The following SORCS2 variants were observed in gnomAD, a reference collection of about 807,000 sequenced individuals.
SORCS2 encodes VPS10 domain-containing receptor SorCS2.
Under a neutral mutation model 141.6 loss-of-function variants are expected in SORCS2, and 100 were observed. The observed-to-expected ratio is 0.71, with a 90% CI of 0.60 to 0.83. SORCS2 has a LOEUF of 0.83. Among genes scored for constraint, SORCS2 ranks in the 40% least tolerant of loss-of-function variants. The pLI, the probability that SORCS2 is intolerant of heterozygous loss-of-function variation, is 0.00. For synonymous variants in SORCS2, 789 were observed against 676.9 expected (o/e 1.17, Z -2.57); for missense variants, 1,646 against 1,560.2 (o/e 1.05, Z -0.93).
intron 2 of SORCS2, chr4:7,432,068 G>C (rs886499639): frequency 6.6e-6 from 1 of 152,430 alleles, no homozygotes; most frequent in Non-Finnish European, 1.5e-5. Context: ...AGGGGGCACA[G>C]TGTCTTAGGG....
chr4:7,663,654 T>C lies in SORCS2; in HGVS notation c.953-699T>C, dbSNP rs1316596104. ...CTTAGGGGTGGGCTTTTCTGGTTTCTAAACGTCTTCCCTTAACCATTCTCC... is the reference window on the plus strand; with the variant it reads ...CTTAGGGGTGGGCTTTTCTGGTTTCCAAACGTCTTCCCTTAACCATTCTCC... On this transcript the variant is annotated intron_variant, in intron 6 of 26. Transcript: ENST00000507866. This position sits in a 1 kb window ranked among gnomAD's most constrained non-coding sequence, Gnocchi z 4.8. Among the ~76,000 whole-genome samples, 3 of 152,220 alleles carry C rather than the reference T, an allele frequency of 2.0e-5. No individual in the cohort carries two copies. Among genetic ancestry groups the C allele is most frequent in the African/African-American group, 7.2e-5 (3 of 41,458 alleles).
intron 2 of SORCS2, among the ~76,000 whole-genome samples, chr4:7,519,867 T>A (rs1009551401): frequency 6.6e-6 from 1 of 152,226 alleles, no homozygotes; most frequent in Non-Finnish European, 1.5e-5. Flanking sequence ...GTGGTCTCTG[T>A]GCCTGCTCTC....
At chr4:7,487,409 G>T (rs559126959) in intron 2 of SORCS2, among the ~76,000 whole-genome samples, 4 of 152,316 alleles carry the variant, frequency 2.6e-5, no homozygotes, top group Non-Finnish European at 4.4e-5. Context: ...GTGGGGCCCA[G>T]ACCTCCACTT....
chr4:7,516,155 A>G (rs1329434477), intron 2 of SORCS2, among the ~76,000 whole-genome samples: 1 of 152,166 alleles, frequency 6.6e-6, no homozygotes, highest in Non-Finnish European at 1.5e-5. Flanking sequence ...AGGTGGCTAG[A>G]GAGCTGGTCA....
chr4:7,322,647 G>T (rs1260758071), intron 1 of SORCS2, among the ~76,000 whole-genome samples: 2 of 152,214 alleles, frequency 1.3e-5, no homozygotes, highest in Non-Finnish European at 2.9e-5. Flanking sequence ...CAACCCCCTT[G>T]TCCAGCCGCT....
At chr4:7,650,982 C>A (rs2108892164) in intron 4 of SORCS2, among the ~76,000 whole-genome samples, 1 of 152,174 alleles carries the variant, frequency 6.6e-6, no homozygotes, top group East Asian at 1.9e-4. Flanking sequence ...CGTATTGCAC[C>A]AATACAGCCC....
intron 2 of SORCS2, chr4:7,433,832 GC>G (rs1037490815): frequency 1.1e-5 from 18 of 1,613,756 alleles, no homozygotes; most frequent in Non-Finnish European, 1.5e-5. Flanking sequence ...TTGGCCACAA[GC>G]TGCACCAAGG....
At chr4:7,714,157 C>G in intron 15 of SORCS2, 83 bp from the exon 16 acceptor site, 11 of 1,506,836 alleles carry the variant, frequency 7.3e-6, no homozygotes, top group Admixed American at 2.1e-5. Context: ...CATCTTCAGG[C>G]TCTGGCAGCC....
chr4:7,220,990 A>G lies in SORCS2; in HGVS notation c.480+27864A>G, dbSNP rs575806072. On this transcript the variant is annotated intron_variant, in intron 1 of 26. Transcript: ENST00000507866. ...CCCCAGTGGTTTGTCAGAGAGAGAG[A>G]GGGAAGAAAGCTTTAATAAGCAGAA... 1.5e-4 allele frequency among the ~76,000 whole-genome samples: 23 copies of G among 152,334 alleles called. No individual in the cohort carries two copies. In the South Asian group the frequency reaches 4.8e-3, roughly 32 times the overall value.
intron 1 of SORCS2, among the ~76,000 whole-genome samples, chr4:7,392,898 CGG>C (rs11299698): frequency 0.33 from 44,879 of 137,180 alleles, 7,302 homozygotes; most frequent in African/African-American, 0.38. Flanking sequence ...CCCTCCCAGT[CGG>C]GGGGGGGGGG....
At chr4:7,341,983 G>A (rs762054194) in intron 1 of SORCS2, among the ~76,000 whole-genome samples, 11 of 152,192 alleles carry the variant, frequency 7.2e-5, no homozygotes, top group Non-Finnish European at 1.0e-4. Context: ...CCTTTACAAA[G>A]CACAATATTT....
At chr4:7,318,685 A>G (rs1441227946) in intron 1 of SORCS2, among the ~76,000 whole-genome samples, 1 of 152,166 alleles carries the variant, frequency 6.6e-6, no homozygotes, top group Non-Finnish European at 1.5e-5. Flanking sequence ...TGTTACCCAC[A>G]CAGCCCCTTA....
chr4:7,202,682 G>A (rs543102582), intron 1 of SORCS2, among the ~76,000 whole-genome samples: 3 of 152,226 alleles, frequency 2.0e-5, no homozygotes, highest in South Asian at 2.1e-4. Context: ...GAGTGTGGCC[G>A]CTTCCATTCA....
intron 2 of SORCS2, among the ~76,000 whole-genome samples, chr4:7,455,078 T>C (rs1728797391): frequency 1.0e-5 from 1 of 99,808 alleles, no homozygotes; most frequent in African/African-American, 3.9e-5. Flanking sequence ...GGTCAGCTGC[T>C]GTGTTGGGGT....
intron 1 of SORCS2, among the ~76,000 whole-genome samples, chr4:7,243,143 G>A (rs939572498): frequency 9.2e-5 from 14 of 152,258 alleles, no homozygotes; most frequent in East Asian, 7.7e-4. Context: ...CCCCATCCAC[G>A]CACAAGCTCT....
intron 1 of SORCS2, among the ~76,000 whole-genome samples, chr4:7,273,817 G>A (rs1028438472): frequency 1.8e-4 from 28 of 152,220 alleles, no homozygotes; most frequent in African/African-American, 6.3e-4. Flanking sequence ...TGGGAATGGA[G>A]CTTGGAGGCC....
intron 2 of SORCS2, among the ~76,000 whole-genome samples, chr4:7,403,506 G>A (rs941973423): frequency 2.6e-5 from 4 of 152,128 alleles, no homozygotes; most frequent in African/African-American, 9.7e-5. Flanking sequence ...GTGGGGTGGA[G>A]GGAAGGGAAT....
intron 2 of SORCS2, chr4:7,434,849 G>A (rs753080715): frequency 5.7e-6 from 9 of 1,585,554 alleles, no homozygotes; most frequent in South Asian, 2.3e-5. Context: ...GCCCCCAGGA[G>A]GCTGGGCAGG....
chr4:7,504,669 G>T (rs1300953027), intron 2 of SORCS2, among the ~76,000 whole-genome samples: 2 of 152,194 alleles, frequency 1.3e-5, no homozygotes, highest in African/African-American at 4.8e-5. Context: ...AGGGCTCTGA[G>T]CTTGTTAAAT....
Sources: gnomAD v4.1 joint callset for allele counts (sites outside exome capture counted in the v4.1 genomes callset) on GRCh38, gnomAD v4.1.1 for gene constraint, Gnocchi (gnomAD v3.1) non-coding constraint, MANE v1.5 for transcripts, NCBI Gene and HGNC (gene_info 2026-07-23, HGNC 2026-07-21) for gene names.